The following MTUS2 variants were observed in gnomAD, a reference collection of about 807,000 sequenced individuals.
The protein encoded by MTUS2 is microtubule associated scaffold protein 2, also known as microtubule-associated tumor suppressor candidate 2.
A neutral mutation model predicts 114.1 loss-of-function variants in MTUS2; 40 were observed. The ratio of observed to expected loss-of-function variants is 0.35; its 90% CI spans 0.27 to 0.46. The LOEUF is 0.46. MTUS2 is among the 20% of genes least tolerant of loss of function. MTUS2 has a pLI of 1.00. For synonymous variants in MTUS2, 688 were observed against 672.0 expected (o/e 1.02, Z -0.37); for missense variants, 1,679 against 1,705.4 (o/e 0.98, Z 0.27).
chr13:29,217,951 C>T (rs1287454688), intron 5 of MTUS2, among the ~76,000 whole-genome samples: 4 of 152,088 alleles, frequency 2.6e-5, no homozygotes, highest in Non-Finnish European at 4.4e-5. Context: ...GACCTGGTCT[C>T]CACAAAGAAA....
intron 9 of MTUS2, among the ~76,000 whole-genome samples, chr13:29,441,439 A>G (rs533477029): frequency 6.6e-6 from 1 of 152,050 alleles, no homozygotes; most frequent in Non-Finnish European, 1.5e-5. Context: ...CCTAATTTCT[A>G]TTTGTTGGGT....
At chr13:28,877,372 C>G (rs1878011366) in intron 2 of MTUS2, among the ~76,000 whole-genome samples, 1 of 150,980 alleles carries the variant, frequency 6.6e-6, no homozygotes, top group Admixed American at 6.6e-5. Context: ...TGTTATTTCG[C>G]TATTAATGGA....
Position 29,034,075 on chromosome 13 carries a change from C to G in MTUS2, c.2396C>G (p.Pro799Arg). The G allele has an allele frequency of 6.2e-7, 1 of 1,613,986 alleles. No individual in the cohort carries two copies. Among genetic ancestry groups the G allele is most frequent in the Non-Finnish European group, 8.5e-7 (1 of 1,179,888 alleles). The change falls in exon 4 of 16, where the codon CCA (proline) becomes CGA (arginine). Residue 799 changes from proline to arginine, a missense_variant. By Grantham distance (103) the Pro-to-Arg change is moderately radical. This residue lies in a region of MTUS2 where 822 missense variants were observed against 899.7 expected (regional missense o/e 0.91). Coordinates refer to ENST00000612955, the MANE Select transcript of MTUS2 (RefSeq NM_001033602.4). ...SQRSSASAIH[P>R]PGPITTATSL... ...AGGTCTTCAGCGAGCGCCATCCACC[C>G]ACCAGGACCCATAACAACAGCCACC...
chr13:29,182,566 A>G (rs185587826), intron 5 of MTUS2, among the ~76,000 whole-genome samples: 12 of 152,328 alleles, frequency 7.9e-5, no homozygotes, highest in East Asian at 5.8e-4. Context: ...AGAACCTACT[A>G]TGTGCTAGGA....
intron 6 of MTUS2, chr13:29,307,483 C>T (rs1453986378): frequency 2.5e-5 from 33 of 1,301,210 alleles, no homozygotes; most frequent in Admixed American, 5.3e-5. Context: ...CTTCTGTGTC[C>T]CCACTGCCAA....
intron 4 of MTUS2, among the ~76,000 whole-genome samples, chr13:29,067,180 ATG>A (rs1396374831): frequency 6.6e-6 from 1 of 152,176 alleles, no homozygotes; most frequent in Non-Finnish European, 1.5e-5. Context: ...CAAAGATACA[ATG>A]TGGTGTCATT....
At chr13:29,353,789 G>A (rs1869499852) in intron 7 of MTUS2, among the ~76,000 whole-genome samples, 1 of 152,162 alleles carries the variant, frequency 6.6e-6, no homozygotes, top group Non-Finnish European at 1.5e-5. Context: ...ATTACGAGGT[G>A]TTCCACGCTG....
In MTUS2 at chr13:29,064,418, A is replaced by G. The variant is rs867374202; in HGVS notation, c.2446+30293A>G. On this transcript the variant is annotated intron_variant, in intron 4 of 15. Coordinates refer to ENST00000612955, the MANE Select transcript of MTUS2 (RefSeq NM_001033602.4). Reference sequence around the variant, plus strand: ...TTTTTTTTTTTTTTTTTTTTTTGACAGAATTGGGTATCTTTAGGTTTTAAA... The same window carrying G: ...TTTTTTTTTTTTTTTTTTTTTTGACGGAATTGGGTATCTTTAGGTTTTAAA... 1.9e-4 allele frequency among the ~76,000 whole-genome samples: 23 copies of G among 122,806 alleles called. No individual in the cohort carries two copies. The Middle Eastern group carries it at 0.015, about 81-fold the overall frequency. The allele number at this position is 122,806 out of a possible 152,430, so 80.6% of individuals were successfully genotyped here. A position where few individuals can be genotyped will look rare whatever the true frequency, so the allele number is the denominator to read the frequency against.
At chr13:29,362,620 G>T (rs1246354452) in intron 8 of MTUS2, among the ~76,000 whole-genome samples, 1 of 152,128 alleles carries the variant, frequency 6.6e-6, no homozygotes, top group African/African-American at 2.4e-5. Flanking sequence ...CCAGGAGACG[G>T]AGGTTGCAGT....
chr13:29,024,786 T>G lies in MTUS2; in HGVS notation c.88T>G (p.Leu30Val). 6.2e-7 allele frequency: 1 copy of G among 1,614,014 alleles called. No homozygotes were observed. The highest frequency in any genetic ancestry group is 8.5e-7 in the Non-Finnish European group (1 of 1,179,884). ...NAARNNNESILSLGDTNANQI... is the reference protein window; with the variant it reads ...NAARNNNESIVSLGDTNANQI... Reference sequence around the variant, plus strand: ...AGCAAGAAATAATAATGAAAGCATCTTAAGTCTGGGAGATACGAATGCCAA... The same window carrying G: ...AGCAAGAAATAATAATGAAAGCATCGTAAGTCTGGGAGATACGAATGCCAA... The change falls in exon 3 of 16, where the codon TTA becomes GTA. Residue 30 changes from leucine (L) to valine (V), a missense_variant. Coordinates refer to ENST00000612955, the MANE Select transcript of MTUS2 (RefSeq NM_001033602.4).
intron 7 of MTUS2, among the ~76,000 whole-genome samples, chr13:29,340,138 G>C (rs924701050): frequency 7.2e-5 from 11 of 152,306 alleles, no homozygotes; most frequent in Admixed American, 4.6e-4. Flanking sequence ...CGCGGAATTC[G>C]GGACATCACG....
intron 2 of MTUS2, among the ~76,000 whole-genome samples, chr13:28,955,572 G>A (rs1883021890): frequency 1.3e-5 from 2 of 152,180 alleles, no homozygotes; most frequent in South Asian, 4.1e-4. Flanking sequence ...CTGTGTCTGG[G>A]AAAATGGATG....
intron 5 of MTUS2, among the ~76,000 whole-genome samples, chr13:29,219,316 G>A (rs1000130921): frequency 2.2e-4 from 32 of 148,262 alleles, no homozygotes; most frequent in Non-Finnish European, 3.9e-4. Context: ...CATTTTTTAT[G>A]GCTGCATAGT....
chr13:29,445,945 C>G (rs935509161), intron 9 of MTUS2, among the ~76,000 whole-genome samples: 2 of 152,008 alleles, frequency 1.3e-5, no homozygotes, highest in Middle Eastern at 3.2e-3. Flanking sequence ...AATTCTATCC[C>G]CAGCCTCTTC....
intron 8 of MTUS2, among the ~76,000 whole-genome samples, chr13:29,402,704 G>GT (rs764195626): frequency 6.6e-6 from 1 of 152,104 alleles, no homozygotes; most frequent in Non-Finnish European, 1.5e-5. Flanking sequence ...CTGCAGTACT[G>GT]TTTTTTCACT....
intron 5 of MTUS2, among the ~76,000 whole-genome samples, chr13:29,148,455 A>ATGC (rs1892529055): frequency 1.4e-5 from 2 of 147,008 alleles, no homozygotes; most frequent in Admixed American, 6.8e-5. Flanking sequence ...AAGTGAGAAC[A>ATGC]TGCTGTGTTT....
In MTUS2 at chr13:29,433,928, C is replaced by T. The variant is rs138676752; in HGVS notation, c.3118-6055C>T. 3.4e-3 allele frequency among the ~76,000 whole-genome samples: 510 copies of T among 152,220 alleles called. 6 individuals carry two copies. The highest frequency in any genetic ancestry group is 0.012 in the African/African-American group (486 of 41,542). The stretch of plus-strand genomic sequence containing the variant: ...AAAGATCTGGAGGTTTCATCAAATA[C>T]CAGAATTCTATAGCTCTCTTATTTA... On this transcript the variant is annotated intron_variant, in intron 8 of 15. Coordinates refer to ENST00000612955, the MANE Select transcript of MTUS2 (RefSeq NM_001033602.4).
chr13:29,303,843 C>A (rs1899315480), intron 6 of MTUS2, among the ~76,000 whole-genome samples: 1 of 152,096 alleles, frequency 6.6e-6, no homozygotes, highest in Admixed American at 6.5e-5. Context: ...TCATCAGATT[C>A]TCCAAGATTA....
At chr13:29,285,993 T>C (rs1181335411) in intron 6 of MTUS2, among the ~76,000 whole-genome samples, 5 of 152,216 alleles carry the variant, frequency 3.3e-5, no homozygotes, top group Non-Finnish European at 1.5e-5. Context: ...TGGCGTGATC[T>C]TGGCTCACTG....
Sources: gnomAD v4.1 joint callset for allele counts (sites outside exome capture counted in the v4.1 genomes callset) on GRCh38, gnomAD v4.1.1 for gene constraint, gnomAD v4.1.1 regional missense constraint, MANE v1.5 for transcripts, NCBI Gene and HGNC (gene_info 2026-07-23, HGNC 2026-07-21) for gene names.